Variants in PTPN9 observed in about 807,000 individuals in gnomAD.
PTPN9 encodes the protein tyrosine-protein phosphatase non-receptor type 9.
In PTPN9, 26 loss-of-function variants were observed where a neutral mutation model predicts 69.8. That is an observed-to-expected ratio of 0.37 (90% CI 0.27 to 0.52). PTPN9 has a LOEUF of 0.52. Ranked by LOEUF, PTPN9 falls within the 20% of genes least tolerant of loss-of-function variation. The probability of loss-of-function intolerance (pLI) is 0.91; values close to 1 mark genes in which losing one functional copy is unlikely to be tolerated. For synonymous variants in PTPN9, 274 were observed against 272.5 expected (o/e 1.01, Z -0.05); for missense variants, 549 against 740.3 (o/e 0.74, Z 3.00).
intron 9 of PTPN9, among the ~76,000 whole-genome samples, chr15:75,476,085 A>C (rs906784242): frequency 5.3e-5 from 8 of 152,146 alleles, no homozygotes; most frequent in African/African-American, 9.7e-5. Flanking sequence ...CCAAGGCTGC[A>C]TTGAGCCATG....
chr15:75,470,111 A>G (rs2074556202), intron 11 of PTPN9, 112 bp from the exon 12 acceptor site: 6 of 967,972 alleles, frequency 6.2e-6, no homozygotes, highest in Non-Finnish European at 9.4e-6. Context: ...CAAGGCTCCT[A>G]TCCACCACTG....
intron 5 of PTPN9, among the ~76,000 whole-genome samples, chr15:75,514,845 A>T (rs2074861465): frequency 6.6e-6 from 1 of 152,236 alleles, no homozygotes. Context: ...GCTATACCAC[A>T]AGATACCATC....
Position 75,487,915 on chromosome 15 carries a change from T to G in PTPN9, c.1062+2293A>C, listed in dbSNP as rs180770310. ...AGAGAAGGGATATAACAAGTCCTTA[T>G]AATGTGTGTCATGTTAAAGAGGTAC... On this transcript the variant is annotated intron_variant, in intron 8 of 12. Coordinates refer to ENST00000618819, the MANE Select transcript of PTPN9 (RefSeq NM_002833.4). 7.9e-5 allele frequency: 12 copies of G among 152,368 alleles called. 1 individual carries two copies. In the East Asian group the frequency reaches 1.7e-3, roughly 22 times the overall value. The allele number at this position is 152,368 out of a possible 1,614,324, so 9.4% of individuals were successfully genotyped here. A position where few individuals can be genotyped will look rare whatever the true frequency, so the allele number is the denominator to read the frequency against.
At chr15:75,493,588 C>T (rs965317552) in intron 7 of PTPN9, among the ~76,000 whole-genome samples, 2 of 151,876 alleles carry the variant, frequency 1.3e-5, no homozygotes, top group Non-Finnish European at 2.9e-5. Context: ...TGTTGAAACT[C>T]GTCTCTACTA....
intron 1 of PTPN9, among the ~76,000 whole-genome samples, chr15:75,574,786 C>T (rs1490733134): frequency 6.6e-6 from 1 of 151,192 alleles, no homozygotes; most frequent in Non-Finnish European, 1.5e-5. Context: ...ACTAAAAATA[C>T]AAAAACTTAG....
rs576593624 is a variant in PTPN9, at chr15:75,511,766, T to C, written c.529-2739A>G. Among the ~76,000 whole-genome samples, 11 of 152,328 alleles carry C rather than the reference T, an allele frequency of 7.2e-5. No homozygotes were observed. The South Asian group carries it at 1.9e-3, about 26-fold the overall frequency. Reference sequence around the variant, plus strand: ...ATGACATAGGTAATTTAATTAACCATGTAACCATCATTCTGATTATTCAGT... The same window carrying C: ...ATGACATAGGTAATTTAATTAACCACGTAACCATCATTCTGATTATTCAGT... On this transcript the variant is annotated intron_variant, in intron 5 of 12. Coordinates refer to ENST00000618819, the MANE Select transcript of PTPN9 (RefSeq NM_002833.4).
chr15:75,562,791 C>CAAAAAAA (rs60164759), intron 1 of PTPN9, among the ~76,000 whole-genome samples: 5 of 80,058 alleles, frequency 6.2e-5, no homozygotes, highest in Non-Finnish European at 9.3e-5. Context: ...AGACTCGTTT[C>CAAAAAAA]AAAAAAAAAA....
chr15:75,490,082 A>C, intron 8 of PTPN9, 126 bp downstream of exon 8: 1 of 771,598 alleles, frequency 1.3e-6, no homozygotes, highest in Non-Finnish European at 2.2e-6. Flanking sequence ...AGCAAAATAT[A>C]AACTCAAACC....
intron 8 of PTPN9, chr15:75,480,953 C>T: frequency 1.1e-5 from 2 of 189,730 alleles, no homozygotes; most frequent in Non-Finnish European, 9.6e-6. Context: ...TGTGAGGAGC[C>T]CCTCTGCCTG....
At position 75,508,959 on chromosome 15, in the gene PTPN9, A is replaced by T; in HGVS notation, c.597T>A (p.Tyr199Ter). 6.2e-7 allele frequency: 1 copy of T among 1,614,176 alleles called. No homozygotes were observed. Among genetic ancestry groups the T allele is most frequent in the Admixed American group, 1.7e-5 (1 of 60,012 alleles). ...VGAPIWFRVPYSIISLLLKDK... is the reference protein window; with the variant it reads ...VGAPIWFRVP ...CCTTCAGGAGGAGACTGATGATGGA[A>T]TAGGGCACTCGGAACCATATGGGTG... The change falls in exon 6 of 13, where the codon TAT becomes TAA. Residue 199 changes from tyrosine (Y) to a stop codon, truncating the protein, a stop_gained. Transcript: ENST00000618819. LOFTEE classifies it high-confidence loss of function.
chr15:75,504,771 G>A (rs1238383971), intron 7 of PTPN9, among the ~76,000 whole-genome samples: 39 of 138,018 alleles, frequency 2.8e-4, no homozygotes, highest in African/African-American at 9.0e-4. Flanking sequence ...CCCTCTGCCC[G>A]GCCAGCCGCC....
chr15:75,538,628 G>A (rs550191082), intron 1 of PTPN9, among the ~76,000 whole-genome samples: 44 of 152,094 alleles, frequency 2.9e-4, no homozygotes, highest in African/African-American at 1.1e-3. Context: ...GCTGCAGTGA[G>A]CTGAAACTGT....
intron 7 of PTPN9, among the ~76,000 whole-genome samples, chr15:75,502,747 G>A (rs1364229729): frequency 6.6e-6 from 1 of 152,102 alleles, no homozygotes; most frequent in Non-Finnish European, 1.5e-5. Context: ...ATGTTATGGG[G>A]AGAAACTGCC....
chr15:75,539,938 C>T (rs1448735424), intron 1 of PTPN9, among the ~76,000 whole-genome samples: 2 of 152,180 alleles, frequency 1.3e-5, no homozygotes. Context: ...CCCTGACCTC[C>T]CAAAGTGCTG....
At chr15:75,545,730 C>T (rs1481274130) in intron 1 of PTPN9, among the ~76,000 whole-genome samples, 1 of 152,086 alleles carries the variant, frequency 6.6e-6, no homozygotes, top group Non-Finnish European at 1.5e-5. Flanking sequence ...CACTTGAGAT[C>T]AGGAGTTCGA....
chr15:75,523,298 A>G, intron 3 of PTPN9, 53 bp from the exon 4 acceptor site: 2 of 1,577,654 alleles, frequency 1.3e-6, no homozygotes, highest in Non-Finnish European at 1.7e-6. Flanking sequence ...AAATCACAGC[A>G]ATTACTAAGA....
chr15:75,533,481 G>C (rs12909863), intron 1 of PTPN9, among the ~76,000 whole-genome samples: 53,222 of 151,742 alleles, frequency 0.35, 10,592 homozygotes, highest in African/African-American at 0.53. Context: ...GGCTGATCTC[G>C]AACTCCTGGG....
At chr15:75,508,039 C>CAAAAAAAA (rs990909256) in intron 6 of PTPN9, among the ~76,000 whole-genome samples, 14 of 37,368 alleles carry the variant, frequency 3.7e-4, no homozygotes, top group African/African-American at 9.1e-4. Context: ...GAGACACTCT[C>CAAAAAAAA]AAAAAAAAAA....
Position 75,505,439 on chromosome 15 carries a change from C to T in PTPN9, c.968+236G>A, listed in dbSNP as rs546872577. ...GCCAAATCCCCCTCTGCGAGAAACA[C>T]CCAAGAATGATCAATAAAAAAAATA... On this transcript the variant is annotated intron_variant, in intron 7 of 12. Coordinates refer to ENST00000618819, the MANE Select transcript of PTPN9 (RefSeq NM_002833.4). Among the ~76,000 whole-genome samples the T allele has an allele frequency of 2.7e-5, 4 of 147,636 alleles. No homozygotes were observed. The East Asian group carries it at 7.9e-4, about 29-fold the overall frequency.
Sources: gnomAD v4.1 joint callset for allele counts (sites outside exome capture counted in the v4.1 genomes callset) on GRCh38, gnomAD v4.1.1 for gene constraint, MANE v1.5 for transcripts, NCBI Gene and HGNC (gene_info 2026-07-23, HGNC 2026-07-21) for gene names.